RNF220: variants seen among roughly 807,000 people sequenced by gnomAD.
The protein encoded by RNF220 is E3 ubiquitin-protein ligase RNF220.
RNF220 carries 7 observed loss-of-function variants against 67.1 expected under a neutral mutation model. The ratio of observed to expected loss-of-function variants is 0.10; its 90% CI spans 0.06 to 0.20. The LOEUF is 0.20. Ranked by LOEUF, RNF220 falls within the 10% of genes least tolerant of loss-of-function variation. The pLI is 1.00. For synonymous variants in RNF220, 270 were observed against 283.2 expected (o/e 0.95, Z 0.47); for missense variants, 565 against 740.3 (o/e 0.76, Z 2.75).
At chr1:44,536,947 G>A (rs545983326) in intron 2 of RNF220, among the ~76,000 whole-genome samples, 27 of 152,076 alleles carry the variant, frequency 1.8e-4, no homozygotes, top group African/African-American at 6.5e-4. Flanking sequence ...CAGGCCCCTC[G>A]CTCCCTGCAT....
At chr1:44,614,120 G>C in intron 2 of RNF220, 45 bp from the exon 3 acceptor site, 1 of 1,611,234 alleles carries the variant, frequency 6.2e-7, no homozygotes. Context: ...CTGCCTCCTG[G>C]ACTAGCCCAG....
intron 2 of RNF220, among the ~76,000 whole-genome samples, chr1:44,599,353 G>C (rs923881276): frequency 1.3e-5 from 2 of 152,176 alleles, no homozygotes; most frequent in Non-Finnish European, 2.9e-5. Context: ...GCTTCAAAGA[G>C]GAAGCATTGT....
Position 44,645,088 on chromosome 1 carries a change from G to A in RNF220, c.1310+7G>A, listed in dbSNP as rs1183001596. ...TTCGGGGCGCAGTCCTAAAGCAAGTGTGGGCACAGGCTTGGGCGGGTGGAG... is the reference window on the plus strand; with the variant it reads ...TTCGGGGCGCAGTCCTAAAGCAAGTATGGGCACAGGCTTGGGCGGGTGGAG... On this transcript the variant is annotated splice_region_variant and intron_variant, in intron 10 of 14. Coordinates refer to ENST00000361799, the MANE Select transcript of RNF220 (RefSeq NM_018150.4). This position sits in a 1 kb window ranked among gnomAD's most constrained non-coding sequence, Gnocchi z 5.0. The A allele has an allele frequency of 6.2e-7, 1 of 1,614,060 alleles. No individual in the cohort carries two copies. Among genetic ancestry groups the A allele is most frequent in the Non-Finnish European group, 8.5e-7 (1 of 1,180,018 alleles).
Position 44,412,162 on chromosome 1 carries a change from C to T in RNF220, c.65C>T (p.Ser22Phe). ...TCCTACCTTCCCAACCCTCTGGCATCCCCAGCACTGATGGTCCTGGCATCC... is the reference window on the plus strand; with the variant it reads ...TCCTACCTTCCCAACCCTCTGGCATTCCCAGCACTGATGGTCCTGGCATCC... ...NSSYLPNPLA[S>F]PALMVLASTA... Residue 22 changes from serine to phenylalanine, a missense_variant, in exon 2 of 15, where the codon TCC (serine) becomes TTC (phenylalanine). Physicochemically the swap from Ser to Phe is radical, Grantham distance 155 (BLOSUM62 -2). Coordinates refer to ENST00000361799, the MANE Select transcript of RNF220 (RefSeq NM_018150.4). This position sits in a 1 kb window ranked among gnomAD's most constrained non-coding sequence, Gnocchi z 5.3. 3 of 1,614,198 alleles carry T rather than the reference C, an allele frequency of 1.9e-6. No homozygotes were observed. Among genetic ancestry groups the T allele is most frequent in the Non-Finnish European group, 2.5e-6 (3 of 1,180,038 alleles).
chr1:44,634,320 C>T (rs1644261046), intron 6 of RNF220, among the ~76,000 whole-genome samples: 1 of 152,212 alleles, frequency 6.6e-6, no homozygotes, highest in South Asian at 2.1e-4. Context: ...TCTCTCTAAG[C>T]TTTGGGTTTC....
intron 2 of RNF220, among the ~76,000 whole-genome samples, chr1:44,493,082 C>T (rs1244191336): frequency 1.3e-5 from 2 of 152,078 alleles, no homozygotes; most frequent in Admixed American, 6.6e-5. Flanking sequence ...AGCACCAACA[C>T]GATGCCACAA....
intron 2 of RNF220, among the ~76,000 whole-genome samples, chr1:44,436,975 CT>C (rs1357181772): frequency 6.6e-6 from 1 of 152,202 alleles, no homozygotes; most frequent in African/African-American, 2.4e-5. Flanking sequence ...TAAGGCAACA[CT>C]TATGTCCCCC....
rs1553208947 is a variant in RNF220 at position 44,405,391 on chromosome 1, T to TGCTGCTGCC, written c.-252_-251insTGCCGCTGC. 4 of 630,132 alleles carry TGCTGCTGCC rather than the reference T, an allele frequency of 6.3e-6. No individual in the cohort carries two copies. Among genetic ancestry groups the TGCTGCTGCC allele is most frequent in the African/African-American group, 3.8e-5 (2 of 53,296 alleles). The allele number at this position is 630,132 out of a possible 1,614,324, so 39.0% of individuals were successfully genotyped here. A position where few individuals can be genotyped will look rare whatever the true frequency, so the allele number is the denominator to read the frequency against. On this transcript the variant is annotated 5_prime_UTR_variant, in exon 1 of 15. Coordinates refer to ENST00000361799, the MANE Select transcript of RNF220 (RefSeq NM_018150.4). ...GCCAGCCGCCTACTGCTGCTGCTGC[T>TGCTGCTGCC]GCTGCCGCTGCCGCCGCCGCCGCCG...
intron 2 of RNF220, among the ~76,000 whole-genome samples, chr1:44,590,230 T>C (rs1308142400): frequency 6.6e-6 from 1 of 152,238 alleles, no homozygotes; most frequent in Admixed American, 6.5e-5. Context: ...AGGACCAGCC[T>C]TCCAGGCAAT....
chr1:44,546,159 G>GC (rs1377324614), intron 2 of RNF220, among the ~76,000 whole-genome samples: 2 of 152,128 alleles, frequency 1.3e-5, no homozygotes, highest in Non-Finnish European at 2.9e-5. Context: ...TGCCAGGTAA[G>GC]CATGGGCTGC....
intron 2 of RNF220, among the ~76,000 whole-genome samples, chr1:44,508,799 C>G: frequency 6.6e-6 from 1 of 152,230 alleles, no homozygotes; most frequent in East Asian, 1.9e-4. Context: ...AAACTTCTGT[C>G]ACCATAATGA....
intron 2 of RNF220, among the ~76,000 whole-genome samples, chr1:44,551,021 C>T (rs1358384595): frequency 6.6e-6 from 1 of 151,824 alleles, no homozygotes; most frequent in African/African-American, 2.4e-5. Context: ...AAACTAAAGT[C>T]ATTGTCTTCC....
At chr1:44,452,752 G>A (rs775421405) in intron 2 of RNF220, among the ~76,000 whole-genome samples, 30 of 152,128 alleles carry the variant, frequency 2.0e-4, no homozygotes, top group Non-Finnish European at 3.1e-4. Flanking sequence ...GATTACAGGC[G>A]TGAGCCACTG....
intron 2 of RNF220, among the ~76,000 whole-genome samples, chr1:44,597,469 C>CAT (rs1491394532): frequency 1.8e-3 from 5 of 2,708 alleles, no homozygotes; most frequent in Non-Finnish European, 4.7e-3. Flanking sequence ...CTCTCTCATG[C>CAT]ACACACACAC....
chr1:44,537,929 C>A (rs1314920684), intron 2 of RNF220, among the ~76,000 whole-genome samples: 1 of 152,198 alleles, frequency 6.6e-6, no homozygotes, highest in Admixed American at 6.5e-5. Context: ...TTCCCATGAA[C>A]CTTCTCAAGG....
intron 2 of RNF220, among the ~76,000 whole-genome samples, chr1:44,447,721 C>T (rs1652247305): frequency 6.6e-6 from 1 of 152,198 alleles, no homozygotes; most frequent in South Asian, 2.1e-4. Context: ...ATTATTCACC[C>T]TTTAAAAACC....
Position 44,630,078 on chromosome 1 carries a change from AC to A in RNF220, c.907-2263del, listed in dbSNP as rs544163254. ...TAAAGTCACTGAGCTAGGCCTTGAAACCAGGGGGTATTGGTTTCTGGGGTTT... is the reference window on the plus strand; with the variant it reads ...TAAAGTCACTGAGCTAGGCCTTGAAACAGGGGGTATTGGTTTCTGGGGTTT... On this transcript the variant is annotated intron_variant, in intron 5 of 14. Transcript: ENST00000361799. Among the ~76,000 whole-genome samples, 434 of 152,292 alleles carry A rather than the reference AC, an allele frequency of 2.8e-3. 8 individuals carry two copies. Among genetic ancestry groups the A allele is most frequent in the Non-Finnish European group, 1.1e-3 (75 of 68,018 alleles).
chr1:44,507,162 T>C (rs900580006), intron 2 of RNF220, among the ~76,000 whole-genome samples: 8 of 152,176 alleles, frequency 5.3e-5, no homozygotes, highest in Admixed American at 5.2e-4. Context: ...CTTAGAGGAA[T>C]GCCTTCTTCT....
intron 2 of RNF220, among the ~76,000 whole-genome samples, chr1:44,433,623 T>A (rs748796006): frequency 6.6e-6 from 1 of 152,252 alleles, no homozygotes; most frequent in Non-Finnish European, 1.5e-5. Flanking sequence ...GTTTGGTAAG[T>A]GCAAATTTTA....
Sources: gnomAD v4.1 joint callset for allele counts (sites outside exome capture counted in the v4.1 genomes callset) on GRCh38, gnomAD v4.1.1 for gene constraint, Gnocchi (gnomAD v3.1) non-coding constraint, MANE v1.5 for transcripts, NCBI Gene and HGNC (gene_info 2026-07-23, HGNC 2026-07-21) for gene names.